Variants in GYS1 observed in about 807,000 individuals in gnomAD.
GYS1 encodes glycogen [starch] synthase, muscle.
In GYS1, 60 loss-of-function variants were observed where a neutral mutation model predicts 89.1. The observed-to-expected ratio is 0.67, with a 90% CI of 0.55 to 0.84. The LOEUF is 0.84. Among genes scored for constraint, GYS1 ranks in the 40% least tolerant of loss-of-function variants. GYS1 has a pLI of 0.00. For missense variants in GYS1, 888 were observed against 1,003.1 expected (o/e 0.89, Z 1.55); for synonymous variants, 366 against 401.7 (o/e 0.91, Z 1.06).
At chr19:48,976,463 T>C (rs1353823139) in intron 10 of GYS1, among the ~76,000 whole-genome samples, 3 of 152,114 alleles carry the variant, frequency 2.0e-5, no homozygotes, top group African/African-American at 7.2e-5. Flanking sequence ...TCTCATTTTA[T>C]AAATGCCAAT....
Position 48,978,079 on chromosome 19 carries a change from C to CT in GYS1, c.1229+18dup. On this transcript the variant is annotated intron_variant, in intron 9 of 15. Coordinates refer to ENST00000323798, the MANE Select transcript of GYS1 (RefSeq NM_002103.5). ...AGTCAGGGCCTAGGAGGGCACAGGG[C>CT]TGAGGGTGGGGCACTCACACCAGTA... is the stretch of plus-strand genomic sequence containing the variant. 2 of 1,612,516 alleles carry CT rather than the reference C, an allele frequency of 1.2e-6. No individual in the cohort carries two copies. Among genetic ancestry groups the CT allele is most frequent in the Non-Finnish European group, 1.7e-6 (2 of 1,178,560 alleles).
chr19:48,968,466 G>A lies in GYS1; in HGVS notation c.*822C>T. 1 of 454,582 alleles carries A rather than the reference G, an allele frequency of 2.2e-6. No homozygotes were observed. The highest frequency in any genetic ancestry group is 1.6e-5 in the South Asian group (1 of 64,480). The allele number at this position is 454,582 out of a possible 1,614,324, so 28.2% of individuals were successfully genotyped here. On this transcript the variant is annotated 3_prime_UTR_variant, in exon 16 of 16. Transcript: ENST00000323798. ...AGCAGTTGGGAATAAGCCAGGTTAGGGGTGGGGGAAGACAGCCAGCTCTGT... is the reference window on the plus strand; with the variant it reads ...AGCAGTTGGGAATAAGCCAGGTTAGAGGTGGGGGAAGACAGCCAGCTCTGT...
Position 48,986,049 on chromosome 19 carries a change from G to A in GYS1, c.493-14C>T, listed in dbSNP as rs5459. The A allele has an allele frequency of 6.2e-7, 1 of 1,612,704 alleles. No homozygotes were observed. The highest frequency in any genetic ancestry group is 1.3e-5 in the African/African-American group (1 of 75,022). ...CTGTGCCAGGAACTGTGGGCAACAG[G>A]GACAGGGCCACTGTCTCCACGAGTG... On this transcript the variant is annotated splice_polypyrimidine_tract_variant and intron_variant, in intron 3 of 15. Transcript: ENST00000323798.
At chr19:48,974,980 G>A (rs981384811) in intron 10 of GYS1, among the ~76,000 whole-genome samples, 1 of 152,084 alleles carries the variant, frequency 6.6e-6, no homozygotes, top group African/African-American at 2.4e-5. Context: ...GCCCAGGCTG[G>A]AATGCAGTGG....
chr19:48,978,630 C>T (rs1400901440), intron 8 of GYS1, among the ~76,000 whole-genome samples: 1 of 151,860 alleles, frequency 6.6e-6, no homozygotes. Flanking sequence ...CTCTCAGGTT[C>T]AAGCAATTCT....
At chr19:48,973,278 A>G (rs76389034) in intron 12 of GYS1, among the ~76,000 whole-genome samples, 8 of 151,922 alleles carry the variant, frequency 5.3e-5, no homozygotes, top group Admixed American at 2.6e-4. Flanking sequence ...AGACATGTGG[A>G]ACGGTGAGTC....
intron 14 of GYS1, chr19:48,970,286 G>C (rs984663540): frequency 2.0e-6 from 1 of 492,058 alleles, no homozygotes. Context: ...CATCACGCTC[G>C]GCTGATTTTT....
intron 4 of GYS1, 95 bp from the exon 5 acceptor site, chr19:48,985,700 G>A (rs763077500): frequency 7.2e-6 from 11 of 1,528,340 alleles, no homozygotes; most frequent in Admixed American, 1.7e-5. Flanking sequence ...GGTGCTGGGG[G>A]CTGGATTCCT....
chr19:48,987,145 T>G, intron 3 of GYS1, 49 bp downstream of exon 3: 3 of 1,331,002 alleles, frequency 2.3e-6, no homozygotes, highest in Non-Finnish European at 3.2e-6. Context: ...CAGGGGCTGA[T>G]GGTCATTGTA....
chr19:48,981,705 G>A, intron 7 of GYS1, 69 bp from the exon 8 acceptor site: 1 of 973,546 alleles, frequency 1.0e-6, no homozygotes. Flanking sequence ...CAGCCTTTCT[G>A]TCAAGACCAC....
At chr19:48,985,764 A>AGG in intron 4 of GYS1, 86 bp downstream of exon 4, 1 of 1,531,524 alleles carries the variant, frequency 6.5e-7, no homozygotes, top group African/African-American at 1.4e-5. Context: ...CTGGGAGAAG[A>AGG]GGGGGTGCCA....
rs767865045 is a variant in GYS1, at chr19:48,985,907, C to T, written c.621G>A (p.Thr207=). 1.3e-5 allele frequency: 21 copies of T among 1,614,012 alleles called. No individual in the cohort carries two copies. Among genetic ancestry groups the T allele is most frequent in the Non-Finnish European group, 1.7e-5 (20 of 1,180,044 alleles). ...PVATIFTTHA[T]LLGRYLCAGA... ...CGGCACACAGGTAGCGCCCCAGCAG[C>T]GTGGCATGGGTGGTGAAGATGGTTG... is the stretch of plus-strand genomic sequence containing the variant. Residue 207 remains threonine, a synonymous_variant, in exon 4 of 16, where the codon ACG becomes ACA. Transcript: ENST00000323798.
At chr19:48,985,377 G>T (rs1188003040) in intron 5 of GYS1, 84 bp downstream of exon 5, 1 of 1,383,318 alleles carries the variant, frequency 7.2e-7, no homozygotes, top group Non-Finnish European at 1.0e-6. Context: ...CTTACAGTGG[G>T]CTTCTTGGGC....
In GYS1 at chr19:48,974,666, G is replaced by T. The variant is rs1333590725; in HGVS notation, c.1376C>A (p.Thr459Asn). 6.2e-7 allele frequency: 1 copy of T among 1,614,108 alleles called. No homozygotes were observed. The highest frequency in any genetic ancestry group is 1.7e-5 in the Admixed American group (1 of 60,020). Residue 459 changes from threonine to asparagine, a missense_variant, in exon 11 of 16, where the codon ACC becomes AAC. Transcript: ENST00000323798. ...LDDSSDPILT[T>N]IRRIGLFNSS... ...ATTGAAGAGGCCGATTCGGCGGATG[G>T]TGGTCAGGATGGGGTCTGAGGAGTC...
intron 6 of GYS1, 146 bp downstream of exon 6, chr19:48,982,574 G>A (rs959832655): frequency 2.0e-5 from 17 of 857,936 alleles, no homozygotes; most frequent in South Asian, 4.2e-5. Flanking sequence ...TTGTTCCAGC[G>A]CTCAAGAATT....
chr19:48,968,293 G>A lies in GYS1; in HGVS notation c.*995C>T. 1 of 454,514 alleles carries A rather than the reference G, an allele frequency of 2.2e-6. No individual in the cohort carries two copies. The allele number at this position is 454,514 out of a possible 1,614,324, so 28.2% of individuals were successfully genotyped here. ...AGCTGAAGGCAGGGCACAGTTTGGGGATGGAAGAGCCTCGAGGTAAATGTG... is the reference window on the plus strand; with the variant it reads ...AGCTGAAGGCAGGGCACAGTTTGGGAATGGAAGAGCCTCGAGGTAAATGTG... On this transcript the variant is annotated 3_prime_UTR_variant, in exon 16 of 16. Transcript: ENST00000323798.
intron 1 of GYS1, among the ~76,000 whole-genome samples, chr19:48,992,601 T>C (rs923531057): frequency 6.6e-6 from 1 of 152,130 alleles, no homozygotes; most frequent in Non-Finnish European, 1.5e-5. Flanking sequence ...ATCTGGAGTT[T>C]TATCCCCTAG....
chr19:48,970,661 G>A lies in GYS1; in HGVS notation c.1694C>T (p.Ser565Leu), dbSNP rs867792741. ...ACTGTAGAGGAAGGAGGTGAGCTGC[G>A]AGCAGGAATCATCCAGGCTGCGGAA... ...RRFRSLDDSC[S>L]QLTSFLYSFC... Residue 565 changes from serine (S) to leucine (L), a missense_variant, in exon 14 of 16, where the codon TCG (serine) becomes TTG (leucine). Ser to Leu is a moderately radical substitution (Grantham distance 145, BLOSUM62 -2). Coordinates refer to ENST00000323798, the MANE Select transcript of GYS1 (RefSeq NM_002103.5). 1.9e-6 allele frequency: 3 copies of A among 1,613,766 alleles called. No individual in the cohort carries two copies. Among genetic ancestry groups the A allele is most frequent in the Admixed American group, 3.3e-5 (2 of 60,002 alleles).
intron 8 of GYS1, chr19:48,978,364 T>C: frequency 6.8e-6 from 4 of 590,796 alleles, no homozygotes; most frequent in Non-Finnish European, 9.4e-6. Flanking sequence ...TAGCTGGGAT[T>C]ACAGGCATGA....
Sources: allele counts gnomAD v4.1 joint callset (sites outside exome capture counted in the v4.1 genomes callset), GRCh38; gene constraint gnomAD v4.1.1; transcripts MANE v1.5; gene names NCBI Gene and HGNC (gene_info 2026-07-23, HGNC 2026-07-21).